Variants in WDR12 observed in about 807,000 individuals in gnomAD.
WDR12 encodes the protein ribosome biogenesis protein WDR12.
A neutral mutation model predicts 64.3 loss-of-function variants in WDR12; 42 were observed. That is an observed-to-expected ratio of 0.65 (90% CI 0.51 to 0.84). WDR12 has a LOEUF of 0.84. Ranked by LOEUF, WDR12 falls within the 40% of genes least tolerant of loss-of-function variation. The pLI is 0.00. For synonymous variants in WDR12, 158 were observed against 173.3 expected, an observed-to-expected ratio of 0.91 and a Z score of 0.70; for missense variants, 469 against 494.6, an observed-to-expected ratio of 0.95 and a Z score of 0.49.
intron 4 of WDR12, among the ~76,000 whole-genome samples, chr2:202,897,888 C>CAAAAAAGA (rs1688276656): frequency 1.3e-5 from 1 of 74,206 alleles, no homozygotes; most frequent in Non-Finnish European, 2.5e-5. Flanking sequence ...GACTCCGTTT[C>CAAAAAAGA]AAAAAAAAAA....
intron 2 of WDR12, among the ~76,000 whole-genome samples, chr2:202,903,363 T>C (rs920230031): frequency 6.6e-6 from 1 of 152,044 alleles, no homozygotes; most frequent in African/African-American, 2.4e-5. Context: ...GCCTTTCCTC[T>C]AACATCTGGA....
chr2:202,899,658 C>T (rs772446508), intron 3 of WDR12, 21 bp from the exon 4 acceptor site: 36 of 1,605,238 alleles, frequency 2.2e-5, no homozygotes, highest in Non-Finnish European at 2.8e-5. Flanking sequence ...GAGAAACCAG[C>T]AACAAGTCAG....
At chr2:202,883,809 A>G (rs1687997456) in intron 10 of WDR12, 68 bp from the exon 11 acceptor site, 2 of 1,462,266 alleles carry the variant, frequency 1.4e-6, no homozygotes, top group Admixed American at 2.7e-5. Context: ...AACCCAAAAA[A>G]TATTTGTAGA....
chr2:202,897,844 G>A (rs538385160), intron 4 of WDR12, among the ~76,000 whole-genome samples: 5 of 132,600 alleles, frequency 3.8e-5, no homozygotes, highest in Admixed American at 2.6e-4. Context: ...AGCCGAGATT[G>A]CGCCACTGCA....
At position 202,894,643 on chromosome 2, in the gene WDR12, G is replaced by A. The variant is rs1688208750; in HGVS notation, c.610-17C>T. On this transcript the variant is annotated splice_polypyrimidine_tract_variant and intron_variant, in intron 6 of 12. Coordinates refer to ENST00000261015, the MANE Select transcript of WDR12 (RefSeq NM_018256.4). ...ACTGCAAAACTAAACAGATGTATAT[G>A]AAGGGAAAAGACATATGTAATATGA... The A allele has an allele frequency of 6.3e-7, 1 of 1,599,300 alleles. No individual in the cohort carries two copies. The highest frequency in any genetic ancestry group is 8.5e-7 in the Non-Finnish European group (1 of 1,171,820).
intron 3 of WDR12, 33 bp downstream of exon 3, chr2:202,900,992 A>G (rs1299544978): frequency 4.6e-6 from 7 of 1,526,972 alleles, no homozygotes; most frequent in East Asian, 2.3e-5. Flanking sequence ...TAATGCCTCA[A>G]GTGAAATACA....
At chr2:202,887,640 G>A (rs557227860) in intron 8 of WDR12, among the ~76,000 whole-genome samples, 1 of 152,118 alleles carries the variant, frequency 6.6e-6, no homozygotes, top group African/African-American at 2.4e-5. Flanking sequence ...TGTAATCCCA[G>A]CACTTTGGGA....
Position 202,875,910 on chromosome 2 carries a change from T to C in WDR12, c.*4950A>G. ...TTTCTCTCCTATAAAATGCAAATAA[T>C]TTATTACCTATAGAGGATTATTATG... On this transcript the variant is annotated 3_prime_UTR_variant, in exon 13 of 13. Transcript: ENST00000261015. 6.6e-6 allele frequency: 1 copy of C among 152,340 alleles called. No individual in the cohort carries two copies. The highest frequency in any genetic ancestry group is 3.4e-3 in the Middle Eastern group (1 of 294). The allele number at this position is 152,340 out of a possible 1,614,324, so 9.4% of individuals were successfully genotyped here.
At chr2:202,903,429 T>C (rs558440451) in intron 2 of WDR12, among the ~76,000 whole-genome samples, 28 of 130,454 alleles carry the variant, frequency 2.1e-4, no homozygotes, top group African/African-American at 7.9e-4. Flanking sequence ...ATGGAAGTCC[T>C]AGCTAGAGCA....
At chr2:202,881,637 C>G (rs1372842849) in intron 12 of WDR12, among the ~76,000 whole-genome samples, 1 of 152,020 alleles carries the variant, frequency 6.6e-6, no homozygotes, top group Non-Finnish European at 1.5e-5. Flanking sequence ...AAAAATTTGC[C>G]AGATATGGTG....
chr2:202,899,854 T>G (rs1265819597), intron 3 of WDR12, among the ~76,000 whole-genome samples: 2 of 152,146 alleles, frequency 1.3e-5, no homozygotes, highest in Non-Finnish European at 2.9e-5. Flanking sequence ...GCATGGTGAC[T>G]CACACCTGTA....
chr2:202,892,867 T>G (rs1319167070), intron 7 of WDR12, among the ~76,000 whole-genome samples, 165 bp from the exon 8 acceptor site: 1 of 152,198 alleles, frequency 6.6e-6, no homozygotes, highest in Non-Finnish European at 1.5e-5. Flanking sequence ...TATAAAATAT[T>G]ACCTAGATTA....
intron 4 of WDR12, among the ~76,000 whole-genome samples, chr2:202,898,315 T>TC (rs1688289387): frequency 6.6e-6 from 1 of 152,138 alleles, no homozygotes; most frequent in South Asian, 2.1e-4. Flanking sequence ...CATACCTGGC[T>TC]AATTTTTTAT....
At position 202,896,238 on chromosome 2, in the gene WDR12, A is replaced by G; in HGVS notation, c.455-19T>C. ...AAACTATCTGGAGAAAGGAGAACAC[A>G]AGAATAAGAAACAAATCAGTATACC... On this transcript the variant is annotated intron_variant, in intron 5 of 12. Transcript: ENST00000261015. 1.9e-6 allele frequency: 3 copies of G among 1,608,816 alleles called. No homozygotes were observed. The highest frequency in any genetic ancestry group is 1.7e-6 in the Non-Finnish European group (2 of 1,178,422).
Position 202,897,332 on chromosome 2 carries a change from T to C in WDR12, c.422A>G (p.Asp141Gly), listed in dbSNP as rs370236976. 16 of 1,600,168 alleles carry C rather than the reference T, an allele frequency of 1.0e-5. No individual in the cohort carries two copies. In the African/African-American group the frequency reaches 1.1e-4, roughly 11 times the overall value. ...KSIMTIVGHTDVVKDVAWVKK... is the reference protein window; with the variant it reads ...KSIMTIVGHTGVVKDVAWVKK... ...CACCCAGGCCACATCTTTTACAACA[T>C]CCGTATGTCCCACAATTGTCATTAT... Residue 141 changes from aspartate (D) to glycine (G), a missense_variant, in exon 5 of 13, where the codon GAT becomes GGT. Asp to Gly is a moderately conservative substitution (Grantham distance 94, BLOSUM62 -1). Coordinates refer to ENST00000261015, the MANE Select transcript of WDR12 (RefSeq NM_018256.4).
chr2:202,892,957 T>C (rs907802324), intron 7 of WDR12, among the ~76,000 whole-genome samples: 5 of 152,134 alleles, frequency 3.3e-5, no homozygotes, highest in African/African-American at 1.2e-4. Context: ...TTGCTATCTT[T>C]AAGGTCATCA....
chr2:202,899,578 G>T lies in WDR12; in HGVS notation c.291C>A (p.Cys97Ter), dbSNP rs1430122017. 6.2e-7 allele frequency: 1 copy of T among 1,614,126 alleles called. No homozygotes were observed. Among genetic ancestry groups the T allele is most frequent in the South Asian group, 1.1e-5 (1 of 91,070 alleles). ...AACTGATCCAGTCATCATGGAACAT[G>T]CATTGCTCTGGCTGGGGTGCAGTAT... ...EKYTAPQPEQ[C>*]MFHDDWISSI... The change falls in exon 4 of 13, where the codon TGC (cysteine) becomes TGA (stop). Residue 97 changes from cysteine to a stop codon, truncating the protein, a stop_gained. Coordinates refer to ENST00000261015, the MANE Select transcript of WDR12 (RefSeq NM_018256.4). LOFTEE classifies it high-confidence loss of function.
intron 8 of WDR12, among the ~76,000 whole-genome samples, chr2:202,890,518 C>G (rs542135138): frequency 6.6e-6 from 1 of 152,052 alleles, no homozygotes; most frequent in Non-Finnish European, 1.5e-5. Context: ...GCCTGTAATC[C>G]CAGCACTTTG....
chr2:202,911,382 G>C (rs141053858), intron 1 of WDR12, 54 bp downstream of exon 1: 29 of 1,561,836 alleles, frequency 1.9e-5, no homozygotes, highest in East Asian at 2.2e-5. Flanking sequence ...CATACCAAAG[G>C]GGTGGTCGGA....
Sources: gnomAD v4.1 joint callset for allele counts (sites outside exome capture counted in the v4.1 genomes callset) on GRCh38, gnomAD v4.1.1 for gene constraint, MANE v1.5 for transcripts, NCBI Gene and HGNC (gene_info 2026-07-23, HGNC 2026-07-21) for gene names.